Variants in YIPF5 observed in about 807,000 individuals in gnomAD.
YIPF5 encodes protein YIPF5.
A neutral mutation model predicts 30.4 loss-of-function variants in YIPF5; 8 were observed. That is an observed-to-expected ratio of 0.26 (90% CI 0.15 to 0.47). The LOEUF (loss-of-function observed/expected upper bound fraction) is 0.47, where lower values mean the gene tolerates loss of function less well. Among genes scored for constraint, YIPF5 ranks in the 20% least tolerant of loss-of-function variants. The pLI is 0.99. For missense variants in YIPF5, 282 were observed against 301.8 expected (o/e 0.93, Z 0.49); for synonymous variants, 104 against 107.9 (o/e 0.96, Z 0.23).
At chr5:144,160,825 T>C (rs1386660111) in intron 5 of YIPF5, among the ~76,000 whole-genome samples, 2 of 152,192 alleles carry the variant, frequency 1.3e-5, no homozygotes, top group Non-Finnish European at 2.9e-5. Flanking sequence ...CTCTCATTCT[T>C]GGCACTACTG....
At chr5:144,161,825 G>A (rs1402474000) in intron 5 of YIPF5, among the ~76,000 whole-genome samples, 3 of 152,092 alleles carry the variant, frequency 2.0e-5, no homozygotes, top group Non-Finnish European at 2.9e-5. Flanking sequence ...TTTATTATTC[G>A]TACATTTGGC....
In YIPF5 at chr5:144,159,193, G is replaced by T; in HGVS notation, c.*1204C>A. Reference sequence around the variant, plus strand: ...TTCTATTCTTAAAGCTTAAATTAGGGGTCAAAATCAGAGCCTAGTTAAAAA... The same window carrying T: ...TTCTATTCTTAAAGCTTAAATTAGGTGTCAAAATCAGAGCCTAGTTAAAAA... On this transcript the variant is annotated 3_prime_UTR_variant, in exon 6 of 6. Coordinates refer to ENST00000274496, the MANE Select transcript of YIPF5 (RefSeq NM_030799.9). The T allele has an allele frequency of 1.0e-6, 1 of 984,806 alleles. No individual in the cohort carries two copies. The highest frequency in any genetic ancestry group is 1.1e-4 in the East Asian group (1 of 8,808). 61.0% of individuals were successfully genotyped at this position (984,806 alleles called of 1,614,324 possible). A position where few individuals can be genotyped will look rare whatever the true frequency, so the allele number is the denominator to read the frequency against.
rs1043292 is a variant in YIPF5, at chr5:144,159,578, T to C, written c.*819A>G. 0.23 allele frequency: 224,240 copies of C among 984,992 alleles called. 28,173 individuals are homozygous for C. The highest frequency in any genetic ancestry group is 0.5 in the African/African-American group (28,460 of 57,212). The allele number at this position is 984,992 out of a possible 1,614,324, so 61.0% of individuals were successfully genotyped here. ...GATAATTTACAGTAATGTCAAATTT[T>C]TGGAGTGCAAACTCATACTCTACAT... On this transcript the variant is annotated 3_prime_UTR_variant, in exon 6 of 6. Transcript: ENST00000274496.
Position 144,158,810 on chromosome 5 carries a change from A to C in YIPF5, c.*1587T>G. On this transcript the variant is annotated 3_prime_UTR_variant, in exon 6 of 6. Transcript: ENST00000274496. ...AAAAACATACTTATGTGAATCAATA[A>C]ATATGTTATTTCTCTCAACCTCTTT... is the stretch of plus-strand genomic sequence containing the variant. The C allele has an allele frequency of 1.0e-6, 1 of 986,092 alleles. No homozygotes were observed. The highest frequency in any genetic ancestry group is 1.2e-6 in the Non-Finnish European group (1 of 830,204). 61.1% of individuals were successfully genotyped at this position (986,092 alleles called of 1,614,324 possible).
At chr5:144,167,624 A>C (rs569734085) in intron 2 of YIPF5, among the ~76,000 whole-genome samples, 1 of 152,088 alleles carries the variant, frequency 6.6e-6, no homozygotes, top group African/African-American at 2.4e-5. Context: ...TCAACAGATT[A>C]TGATCAAAGG....
chr5:144,169,791 A>G, intron 2 of YIPF5, 55 bp downstream of exon 2: 1 of 1,424,754 alleles, frequency 7.0e-7, no homozygotes, highest in Non-Finnish European at 9.9e-7. Flanking sequence ...AATATTCTAA[A>G]TATGTGTTTT....
chr5:144,162,431 C>T, intron 4 of YIPF5, 32 bp from the exon 5 acceptor site: 4 of 1,567,002 alleles, frequency 2.6e-6, no homozygotes, highest in East Asian at 4.5e-5. Flanking sequence ...GGTTAAAGGG[C>T]AAAAAATAAG....
rs938231359 is a variant in YIPF5 at position 144,158,783 on chromosome 5, A to G, written c.*1614T>C. 1.0e-6 allele frequency: 1 copy of G among 990,404 alleles called. No homozygotes were observed. Among genetic ancestry groups the G allele is most frequent in the Non-Finnish European group, 1.2e-6 (1 of 833,240 alleles). The allele number at this position is 990,404 out of a possible 1,614,324, so 61.4% of individuals were successfully genotyped here. ...GTGGGTTTCTCCAGACGATTAATGA[A>G]GAAAAACATACTTATGTGAATCAAT... On this transcript the variant is annotated 3_prime_UTR_variant, in exon 6 of 6. Coordinates refer to ENST00000274496, the MANE Select transcript of YIPF5 (RefSeq NM_030799.9).
chr5:144,168,427 A>G (rs1450487908), intron 2 of YIPF5, among the ~76,000 whole-genome samples: 2 of 152,190 alleles, frequency 1.3e-5, no homozygotes, highest in Non-Finnish European at 2.9e-5. Flanking sequence ...AGGTTCTCCG[A>G]AGCTGTGTTG....
Position 144,159,735 on chromosome 5 carries a change from C to CAAA in YIPF5, c.*661_*662insTTT. ...TTTTTTTTTTTTTGAGACAGAGTCT[C>CAAA]ACCCTGTCACCCAGGCTGGATGGAG... On this transcript the variant is annotated 3_prime_UTR_variant, in exon 6 of 6. Transcript: ENST00000274496. 1.1e-6 allele frequency: 1 copy of CAAA among 927,946 alleles called. No individual in the cohort carries two copies. The highest frequency in any genetic ancestry group is 1.3e-6 in the Non-Finnish European group (1 of 783,986). The allele number at this position is 927,946 out of a possible 1,614,324, so 57.5% of individuals were successfully genotyped here.
chr5:144,158,285 C>G lies in YIPF5; in HGVS notation c.*2112G>C. 3.8e-6 allele frequency: 2 copies of G among 525,520 alleles called. No individual in the cohort carries two copies. Among genetic ancestry groups the G allele is most frequent in the South Asian group, 3.6e-5 (2 of 54,856 alleles). 32.6% of individuals were successfully genotyped at this position (525,520 alleles called of 1,614,324 possible). A position where few individuals can be genotyped will look rare whatever the true frequency, so the allele number is the denominator to read the frequency against. On this transcript the variant is annotated 3_prime_UTR_variant, in exon 6 of 6. Coordinates refer to ENST00000274496, the MANE Select transcript of YIPF5 (RefSeq NM_030799.9). The stretch of plus-strand genomic sequence containing the variant: ...TAATCAAACTCTAGAACATCAAATG[C>G]AACTCCACTGCATAGCTGTTTTGAC...
rs372663707 is a variant in YIPF5 at position 144,160,583 on chromosome 5, G to A, written c.612-24C>T. On this transcript the variant is annotated intron_variant, in intron 5 of 5. Transcript: ENST00000274496. ...CTCTGTAAACAACAAGGAAAAAGGG[G>A]GGAGAAGAAAAAAAAGCAGATGAGA... The A allele has an allele frequency of 1.3e-4, 200 of 1,580,694 alleles. 3 individuals carry two copies. In the African/African-American group the frequency reaches 2.6e-3, roughly 20 times the overall value.
rs1185657685 is a variant in YIPF5 at position 144,162,416 on chromosome 5, T to G, written c.430-17A>C. The G allele has an allele frequency of 6.2e-7, 1 of 1,602,562 alleles. No individual in the cohort carries two copies. The highest frequency in any genetic ancestry group is 8.5e-7 in the Non-Finnish European group (1 of 1,173,972). The stretch of plus-strand genomic sequence containing the variant: ...TTTGCCAGCCTATGGGTAAAGAAGA[T>G]TACAGGTTAAAGGGCAAAAAATAAG... On this transcript the variant is annotated splice_polypyrimidine_tract_variant and intron_variant, in intron 4 of 5. Transcript: ENST00000274496.
rs1341126261 is a variant in YIPF5 at position 144,158,806 on chromosome 5, AATAAAT to A, written c.*1585_*1590del. The A allele has an allele frequency of 2.0e-6, 2 of 985,650 alleles. No individual in the cohort carries two copies. Among genetic ancestry groups the A allele is most frequent in the East Asian group, 2.3e-4 (2 of 8,876 alleles). 61.1% of individuals were successfully genotyped at this position (985,650 alleles called of 1,614,324 possible). ...GAAGAAAAACATACTTATGTGAATC[AATAAAT>A]ATGTTATTTCTCTCAACCTCTTTTT... On this transcript the variant is annotated 3_prime_UTR_variant, in exon 6 of 6. Coordinates refer to ENST00000274496, the MANE Select transcript of YIPF5 (RefSeq NM_030799.9).
At chr5:144,169,812 T>C (rs375594255) in intron 2 of YIPF5, 34 bp downstream of exon 2, 112 of 1,550,446 alleles carry the variant, frequency 7.2e-5, no homozygotes, top group African/African-American at 9.5e-5. Flanking sequence ...CACTGCAATG[T>C]AGACTAAATT....
rs1164965243 is a variant in YIPF5, at chr5:144,159,368, GGTTA to G, written c.*1025_*1028del. 1.0e-6 allele frequency: 1 copy of G among 984,040 alleles called. No homozygotes were observed. The highest frequency in any genetic ancestry group is 1.7e-5 in the African/African-American group (1 of 57,146). 61.0% of individuals were successfully genotyped at this position (984,040 alleles called of 1,614,324 possible). A position where few individuals can be genotyped will look rare whatever the true frequency, so the allele number is the denominator to read the frequency against. ...AACTTTAAATATTTTCCTTAAAAAAGGTTAGTGATTTTTTTATTATTTTTGGGAA... is the reference window on the plus strand; with the variant it reads ...AACTTTAAATATTTTCCTTAAAAAAGGTGATTTTTTTATTATTTTTGGGAA... On this transcript the variant is annotated 3_prime_UTR_variant, in exon 6 of 6. Transcript: ENST00000274496.
chr5:144,163,561 G>A (rs907872685), intron 4 of YIPF5, among the ~76,000 whole-genome samples: 2 of 151,986 alleles, frequency 1.3e-5, no homozygotes, highest in African/African-American at 4.8e-5. Context: ...CCCATCTTCC[G>A]TATATTACAT....
intron 1 of YIPF5, chr5:144,170,213 G>A: frequency 2.1e-6 from 1 of 472,508 alleles, no homozygotes; most frequent in Non-Finnish European, 3.8e-6. Flanking sequence ...CTTCCATTAG[G>A]GGCGAGGTCG....
At position 144,159,265 on chromosome 5, in the gene YIPF5, A is replaced by C; in HGVS notation, c.*1132T>G. ...TTAGTAAAAGTAAATTCAATAACAC[A>C]GTTAAAATTAATTGGGAAAGTTTTA... On this transcript the variant is annotated 3_prime_UTR_variant, in exon 6 of 6. Coordinates refer to ENST00000274496, the MANE Select transcript of YIPF5 (RefSeq NM_030799.9). 1 of 972,702 alleles carries C rather than the reference A, an allele frequency of 1.0e-6. No individual in the cohort carries two copies. The highest frequency in any genetic ancestry group is 1.2e-6 in the Non-Finnish European group (1 of 818,396). 60.3% of individuals were successfully genotyped at this position (972,702 alleles called of 1,614,324 possible).
Sources: allele counts gnomAD v4.1 joint callset (sites outside exome capture counted in the v4.1 genomes callset), GRCh38; gene constraint gnomAD v4.1.1; transcripts MANE v1.5; gene names NCBI Gene and HGNC (gene_info 2026-07-23, HGNC 2026-07-21).